SNAP91: variants seen among roughly 807,000 people sequenced by gnomAD.
SNAP91 encodes clathrin coat assembly protein AP180.
SNAP91 carries 27 observed loss-of-function variants against 100.3 expected under a neutral mutation model. The observed-to-expected ratio is 0.27, with a 90% CI of 0.20 to 0.37. The LOEUF is 0.37. Ranked by LOEUF, SNAP91 falls within the 10% of genes least tolerant of loss-of-function variation. The pLI is 1.00. For synonymous variants in SNAP91, 404 were observed against 398.6 expected, an observed-to-expected ratio of 1.01 and a Z score of -0.16; for missense variants, 986 against 1,123.7, an observed-to-expected ratio of 0.88 and a Z score of 1.75.
intron 24 of SNAP91, 90 bp from the exon 25 acceptor site, chr6:83,576,143 T>TA: frequency 1.5e-6 from 1 of 667,552 alleles, no homozygotes. Context: ...CAGAAGTCTA[T>TA]AAAAAAGTCC....
chr6:83,588,780 T>C (rs1157195475), intron 22 of SNAP91, among the ~76,000 whole-genome samples: 1 of 152,146 alleles, frequency 6.6e-6, no homozygotes, highest in Non-Finnish European at 1.5e-5. Flanking sequence ...CTGGGCTCTT[T>C]GAGAAACACA....
rs1588314854 is a variant in SNAP91 at position 83,704,809 on chromosome 6, C to T, written c.130+2989G>A. On this transcript the variant is annotated intron_variant, in intron 2 of 29. Coordinates refer to ENST00000369694, the MANE Select transcript of SNAP91 (RefSeq NM_001242792.2). Reference sequence around the variant, plus strand: ...AATTGAAATTGTTTTTGTTTCAAACCCCCAAACTCTATATTTTGTGCTCTT... The same window carrying T: ...AATTGAAATTGTTTTTGTTTCAAACTCCCAAACTCTATATTTTGTGCTCTT... Among the ~76,000 whole-genome samples the T allele has an allele frequency of 2.6e-5, 4 of 151,976 alleles. No homozygotes were observed. In the East Asian group the frequency reaches 7.7e-4, roughly 29 times the overall value.
intron 2 of SNAP91, among the ~76,000 whole-genome samples, chr6:83,704,649 A>G (rs2099356481): frequency 6.6e-6 from 1 of 152,076 alleles, no homozygotes; most frequent in Non-Finnish European, 1.5e-5. Flanking sequence ...AATATTAAAT[A>G]CATATTTCAT....
intron 2 of SNAP91, among the ~76,000 whole-genome samples, chr6:83,704,995 A>G (rs1192812759): frequency 6.6e-6 from 1 of 152,208 alleles, no homozygotes; most frequent in Non-Finnish European, 1.5e-5. Context: ...TTACTGAGGT[A>G]GTTTACTGTT....
At chr6:83,676,589 G>A (rs56317217) in intron 2 of SNAP91, among the ~76,000 whole-genome samples, 11,024 of 152,224 alleles carry the variant, frequency 0.072, 420 homozygotes, top group African/African-American at 0.11. Flanking sequence ...AGCAAGGGAC[G>A]GAGTGGTGGA....
chr6:83,593,691 G>C lies in SNAP91; in HGVS notation c.1483C>G (p.Leu495Val), dbSNP rs373556549. The change falls in exon 18 of 30, where the codon CTC becomes GTC. Residue 495 changes from leucine to valine, a missense_variant. This residue lies in a region of SNAP91 where 575 missense variants were observed against 579.9 expected (regional missense o/e 0.99). Coordinates refer to ENST00000369694, the MANE Select transcript of SNAP91 (RefSeq NM_001242792.2). ...GTCTCAGGTGGCTTCATTGCAAAGA[G>C]GTCCAGCTCAGGTGCAGCCTCTGCA... ...GSAEAAPELD[L>V]FAMKPPETSV... 1.2e-6 allele frequency: 2 copies of C among 1,608,878 alleles called. No homozygotes were observed. Among genetic ancestry groups the C allele is most frequent in the Non-Finnish European group, 1.7e-6 (2 of 1,175,952 alleles).
intron 6 of SNAP91, among the ~76,000 whole-genome samples, chr6:83,658,482 G>C (rs1284004130): frequency 6.6e-6 from 1 of 152,056 alleles, no homozygotes; most frequent in Non-Finnish European, 1.5e-5. Context: ...GGTGGCGGGC[G>C]CCTGCAGTCC....
chr6:83,609,924 T>C (rs1032040415), intron 12 of SNAP91, among the ~76,000 whole-genome samples: 2 of 152,174 alleles, frequency 1.3e-5, no homozygotes, highest in Non-Finnish European at 1.5e-5. Flanking sequence ...TGTTGCAATA[T>C]AAATACGTGA....
chr6:83,685,867 C>A (rs777959810), intron 2 of SNAP91, among the ~76,000 whole-genome samples: 23 of 152,194 alleles, frequency 1.5e-4, no homozygotes, highest in Non-Finnish European at 3.2e-4. Flanking sequence ...CAACGCTCTA[C>A]CGAATGCATT....
chr6:83,580,681 A>T (rs1326873133), intron 23 of SNAP91, 82 bp from the exon 24 acceptor site: 31 of 1,285,020 alleles, frequency 2.4e-5, no homozygotes, highest in Non-Finnish European at 3.3e-5. Flanking sequence ...CTCTCTTTTG[A>T]TACTATGGAA....
chr6:83,687,157 T>G (rs1417736544), intron 2 of SNAP91, among the ~76,000 whole-genome samples: 2 of 152,180 alleles, frequency 1.3e-5, no homozygotes, highest in African/African-American at 4.8e-5. Flanking sequence ...TTTGATGAGT[T>G]CTTGTAATAT....
chr6:83,690,449 T>G (rs1342802241), intron 2 of SNAP91: 39 of 1,266,612 alleles, frequency 3.1e-5, no homozygotes, highest in Non-Finnish European at 3.9e-5. Flanking sequence ...ACGAAAACAA[T>G]GCAGCTCAGT....
intron 7 of SNAP91, among the ~76,000 whole-genome samples, chr6:83,643,748 T>C (rs372657732): frequency 1.2e-4 from 18 of 152,188 alleles, no homozygotes; most frequent in African/African-American, 4.1e-4. Flanking sequence ...TACCTTCTGT[T>C]GACAGTCTTT....
rs750966269 is a variant in SNAP91 at position 83,611,863 on chromosome 6, ATTTTTTTTTTTTTT to A, written c.885-1200_885-1187del. On this transcript the variant is annotated intron_variant, in intron 11 of 29. Transcript: ENST00000369694. ...AGGCGCCTGCCACCACGCCCGGCTAATTTTTTTTTTTTTTTTTTTTTTTTTTTTTTTGGATTTTT... is the reference window on the plus strand; with the variant it reads ...AGGCGCCTGCCACCACGCCCGGCTAATTTTTTTTTTTTTTTTTGGATTTTT... 1.1e-4 allele frequency among the ~76,000 whole-genome samples: 10 copies of A among 91,262 alleles called. No individual in the cohort carries two copies. In the South Asian group the frequency reaches 2.0e-3, roughly 18 times the overall value. The allele number at this position is 91,262 out of a possible 152,430, so 59.9% of individuals were successfully genotyped here. A position where few individuals can be genotyped will look rare whatever the true frequency, so the allele number is the denominator to read the frequency against.
intron 7 of SNAP91, among the ~76,000 whole-genome samples, 181 bp from the exon 8 acceptor site, chr6:83,641,383 G>GTTA (rs200493533): frequency 0.023 from 3,520 of 152,206 alleles, 68 homozygotes; most frequent in Non-Finnish European, 0.037. Context: ...TAAGAAAAGT[G>GTTA]TTATGTTCCA....
intron 22 of SNAP91, among the ~76,000 whole-genome samples, chr6:83,589,276 C>T (rs2093370520): frequency 6.6e-6 from 1 of 152,164 alleles, no homozygotes; most frequent in African/African-American, 2.4e-5. Flanking sequence ...GCCAGGCAAA[C>T]TAGCAGTTTA....
At chr6:83,572,207 T>C (rs1273760715) in intron 26 of SNAP91, among the ~76,000 whole-genome samples, 1 of 152,132 alleles carries the variant, frequency 6.6e-6, no homozygotes, top group Non-Finnish European at 1.5e-5. Flanking sequence ...AAATTTGTCT[T>C]CTTCTCTTCC....
intron 4 of SNAP91, among the ~76,000 whole-genome samples, chr6:83,662,001 A>G (rs922476075): frequency 3.8e-4 from 58 of 152,172 alleles, no homozygotes; most frequent in Non-Finnish European, 6.0e-4. Context: ...TTCAAACCCT[A>G]TTAATCCACA....
intron 22 of SNAP91, among the ~76,000 whole-genome samples, chr6:83,583,621 A>G (rs1486133337): frequency 6.6e-6 from 1 of 152,216 alleles, no homozygotes; most frequent in Non-Finnish European, 1.5e-5. Context: ...ATTCTATTAT[A>G]AAAGAATTTA....
Sources: allele counts gnomAD v4.1 joint callset (sites outside exome capture counted in the v4.1 genomes callset), GRCh38; gene constraint gnomAD v4.1.1; regional missense constraint gnomAD v4.1.1; transcripts MANE v1.5; gene names NCBI Gene and HGNC (gene_info 2026-07-23, HGNC 2026-07-21).